Variants in CNTN5 observed in about 807,000 individuals in gnomAD.
CNTN5 encodes the protein contactin 5, also known as contactin-5.
CNTN5 carries 77 observed loss-of-function variants against 129.1 expected under a neutral mutation model. That is an observed-to-expected ratio of 0.60 (90% CI 0.50 to 0.72). The LOEUF is 0.72. Among genes scored for constraint, CNTN5 ranks in the 30% least tolerant of loss-of-function variants. The pLI is 0.00. For synonymous variants in CNTN5, 509 were observed against 465.6 expected, an observed-to-expected ratio of 1.09 and a Z score of -1.20; for missense variants, 1,478 against 1,328.8, an observed-to-expected ratio of 1.11 and a Z score of -1.75.
chr11:100,008,554 T>C (rs1000732970), intron 9 of CNTN5, among the ~76,000 whole-genome samples: 2 of 152,118 alleles, frequency 1.3e-5, no homozygotes, highest in Non-Finnish European at 2.9e-5. Flanking sequence ...AGGATTTCCA[T>C]AGTCTCTGTT....
chr11:99,625,042 C>CTA (rs1249207746), intron 3 of CNTN5, among the ~76,000 whole-genome samples: 1 of 152,062 alleles, frequency 6.6e-6, no homozygotes, highest in Admixed American at 6.6e-5. Context: ...TGCCTAGTAT[C>CTA]TAGTCCAGTG....
chr11:99,614,505 G>T (rs939252987), intron 3 of CNTN5, among the ~76,000 whole-genome samples: 1 of 152,160 alleles, frequency 6.6e-6, no homozygotes, highest in Admixed American at 6.5e-5. Flanking sequence ...ACACCCTTTG[G>T]CTGTTTAAGG....
intron 8 of CNTN5, among the ~76,000 whole-genome samples, chr11:99,964,788 C>T (rs1951048669): frequency 6.6e-6 from 1 of 152,146 alleles, no homozygotes; most frequent in Non-Finnish European, 1.5e-5. Flanking sequence ...CCATCTGGTC[C>T]TGGACTTTTT....
At chr11:99,343,648 T>C (rs898654544) in intron 2 of CNTN5, among the ~76,000 whole-genome samples, 3 of 152,194 alleles carry the variant, frequency 2.0e-5, no homozygotes, top group African/African-American at 7.2e-5. Flanking sequence ...ATCTTTTAAA[T>C]TCTGCTTAAA....
chr11:99,430,265 G>A (rs1242866315), intron 2 of CNTN5, among the ~76,000 whole-genome samples: 1 of 151,664 alleles, frequency 6.6e-6, no homozygotes, highest in Non-Finnish European at 1.5e-5. Context: ...AATTAAGCAC[G>A]TGTTTTCTTT....
intron 3 of CNTN5, among the ~76,000 whole-genome samples, chr11:99,734,914 A>G (rs1468654171): frequency 6.6e-6 from 1 of 152,214 alleles, no homozygotes; most frequent in Non-Finnish European, 1.5e-5. Context: ...AGGCTGAGGC[A>G]AGAGAATGGC....
At chr11:100,035,397 T>G (rs1941933731) in intron 9 of CNTN5, among the ~76,000 whole-genome samples, 1 of 145,666 alleles carries the variant, frequency 6.9e-6, no homozygotes. Context: ...TGGTTCCAAG[T>G]CTTTGCTATT....
intron 3 of CNTN5, among the ~76,000 whole-genome samples, chr11:99,595,269 AT>A (rs1244280824): frequency 2.6e-5 from 4 of 152,188 alleles, no homozygotes; most frequent in Non-Finnish European, 5.9e-5. Context: ...AATTACACCA[AT>A]TTGGTCATTA....
intron 7 of CNTN5, among the ~76,000 whole-genome samples, chr11:99,923,757 G>GTCTGTCTGTCTATCTATCTATCTA (rs71050033): frequency 4.3e-5 from 6 of 140,702 alleles, no homozygotes; most frequent in South Asian, 4.8e-4. Context: ...CTATCTGTCT[G>GTCTGTCTGTCTATCTATCTATCTA]TCTATCTATC....
At chr11:100,174,624 G>C (rs1427218211) in intron 13 of CNTN5, among the ~76,000 whole-genome samples, 1 of 152,092 alleles carries the variant, frequency 6.6e-6, no homozygotes. Context: ...ACAGCCTTCA[G>C]AAAGAAGACA....
intron 1 of CNTN5, among the ~76,000 whole-genome samples, chr11:99,042,831 A>G (rs1041839658): frequency 1.3e-5 from 2 of 148,694 alleles, no homozygotes; most frequent in Admixed American, 6.6e-5. Flanking sequence ...TGTTTAACGT[A>G]CAGCTCCAGT....
chr11:99,756,846 AAAG>A (rs1365499633), intron 3 of CNTN5, among the ~76,000 whole-genome samples: 2 of 152,052 alleles, frequency 1.3e-5, no homozygotes, highest in African/African-American at 4.8e-5. Context: ...TATTATATAA[AAAG>A]AAATAACTTT....
intron 21 of CNTN5, among the ~76,000 whole-genome samples, chr11:100,312,955 T>A (rs533726674): frequency 6.6e-6 from 1 of 152,000 alleles, no homozygotes; most frequent in Non-Finnish European, 1.5e-5. Context: ...AGATAAACTC[T>A]GATAACAATA....
chr11:99,796,403 G>T (rs1480307609), intron 3 of CNTN5, among the ~76,000 whole-genome samples: 1 of 152,054 alleles, frequency 6.6e-6, no homozygotes, highest in African/African-American at 2.4e-5. Context: ...TGATAGGGGG[G>T]TAGCCATAGG....
intron 2 of CNTN5, among the ~76,000 whole-genome samples, chr11:99,502,679 G>A (rs1946470458): frequency 6.6e-6 from 1 of 152,068 alleles, no homozygotes; most frequent in Admixed American, 6.6e-5. Flanking sequence ...ATAGCAGTAT[G>A]AACATGAACT....
chr11:100,052,488 G>A (rs1475729219), intron 9 of CNTN5, among the ~76,000 whole-genome samples: 1 of 151,482 alleles, frequency 6.6e-6, no homozygotes, highest in Non-Finnish European at 1.5e-5. Context: ...TAATATTTAG[G>A]GATAAACTAA....
chr11:100,180,941 T>C (rs1297811046), intron 13 of CNTN5, among the ~76,000 whole-genome samples: 2 of 152,038 alleles, frequency 1.3e-5, no homozygotes, highest in Non-Finnish European at 1.5e-5. Context: ...GGATCATTCA[T>C]ACATTGCTGG....
intron 1 of CNTN5, among the ~76,000 whole-genome samples, chr11:99,109,068 G>A (rs564044410): frequency 6.6e-6 from 1 of 150,960 alleles, no homozygotes; most frequent in Non-Finnish European, 1.5e-5. Flanking sequence ...TACACATAGT[G>A]TATGTACATA....
Position 99,122,798 on chromosome 11 carries a change from A to G in CNTN5, c.-210+101528A>G, listed in dbSNP as rs140804933. Among the ~76,000 whole-genome samples, 138 of 152,052 alleles carry G rather than the reference A, an allele frequency of 9.1e-4. 1 individual carries two copies. Among genetic ancestry groups the G allele is most frequent in the African/African-American group, 3.3e-3 (135 of 41,498 alleles). The stretch of plus-strand genomic sequence containing the variant: ...ACCTATAAATGAGAACATACAGTAT[A>G]TGGTTTTCTGTTCCTGTGTTGGTTT... On this transcript the variant is annotated intron_variant, in intron 1 of 24. Transcript: ENST00000524871.
Sources: allele counts gnomAD v4.1 joint callset (sites outside exome capture counted in the v4.1 genomes callset), GRCh38; gene constraint gnomAD v4.1.1; transcripts MANE v1.5; gene names NCBI Gene and HGNC (gene_info 2026-07-23, HGNC 2026-07-21).